Variants in HDGF observed in about 807,000 individuals in gnomAD.
HDGF encodes the protein heparin binding growth factor.
In HDGF, 5 loss-of-function variants were observed where a neutral mutation model predicts 30.0. That is an observed-to-expected ratio of 0.17 (90% CI 0.09 to 0.35). The LOEUF is 0.35. HDGF is among the 10% of genes least tolerant of loss of function. The pLI is 1.00. For missense variants in HDGF, 214 were observed against 302.8 expected (o/e 0.71, Z 2.18); for synonymous variants, 133 against 112.7 (o/e 1.18, Z -1.14).
upstream of HDGF, among the ~76,000 whole-genome samples, chr1:156,753,660 C>T (rs1013801142): frequency 3.9e-5 from 6 of 152,098 alleles, no homozygotes; most frequent in Non-Finnish European, 8.8e-5. Context: ...AAGCGATTCT[C>T]CTGCCTCAGC....
chr1:156,751,448 C>G lies in HDGF; in HGVS notation c.-19G>C. 2 of 1,532,318 alleles carry G rather than the reference C, an allele frequency of 1.3e-6. No individual in the cohort carries two copies. The highest frequency in any genetic ancestry group is 1.8e-6 in the Non-Finnish European group (2 of 1,135,966). 94.9% of individuals were successfully genotyped at this position (1,532,318 alleles called of 1,614,324 possible). ...GCGACATGGCGGGGCTCCGGGCGCC[C>G]CGGGCTCCGCGCCGGGCCGGGAAGC... On this transcript the variant is annotated 5_prime_UTR_variant, in exon 1 of 6. Transcript: ENST00000357325. This position sits in a 1 kb window ranked among gnomAD's most constrained non-coding sequence, Gnocchi z 4.7.
chr1:156,762,265 C>T (rs147620527), intron 1 of HDGF, among the ~76,000 whole-genome samples: 1,624 of 151,520 alleles, frequency 0.011, 27 homozygotes, highest in African/African-American at 0.037. Context: ...AAAAACAGGC[C>T]GAGCATGGTG....
chr1:156,751,591 C>T lies in HDGF; in HGVS notation c.-162G>A. 1.0e-6 allele frequency: 1 copy of T among 984,370 alleles called. No homozygotes were observed. Among genetic ancestry groups the T allele is most frequent in the Non-Finnish European group, 1.2e-6 (1 of 830,222 alleles). 61.0% of individuals were successfully genotyped at this position (984,370 alleles called of 1,614,324 possible). A position where few individuals can be genotyped will look rare whatever the true frequency, so the allele number is the denominator to read the frequency against. On this transcript the variant is annotated 5_prime_UTR_variant, in exon 1 of 6. Coordinates refer to ENST00000357325, the MANE Select transcript of HDGF (RefSeq NM_004494.3). This position sits in a 1 kb window ranked among gnomAD's most constrained non-coding sequence, Gnocchi z 4.7. ...TCCGGCGCGGCCACGGCGTCTCCGC[C>T]CGCGCGCCGCACGGACGGGGCGGGC...
In HDGF at chr1:156,751,207, G is replaced by C. The variant is rs1273718242; in HGVS notation, c.87+136C>G. On this transcript the variant is annotated intron_variant, in intron 1 of 5. Coordinates refer to ENST00000357325, the MANE Select transcript of HDGF (RefSeq NM_004494.3). This position sits in a 1 kb window ranked among gnomAD's most constrained non-coding sequence, Gnocchi z 4.7. ...ATAACCGGCGGGTGGGCTTGGAAGC[G>C]ACAGAGAAAGAGCCGGAGACCTACA... 9.8e-5 allele frequency: 115 copies of C among 1,177,918 alleles called. No individual in the cohort carries two copies. Among genetic ancestry groups the C allele is most frequent in the Non-Finnish European group, 1.2e-4 (108 of 914,914 alleles). The allele number at this position is 1,177,918 out of a possible 1,614,324, so 73.0% of individuals were successfully genotyped here.
chr1:156,764,878 T>C (rs1651325453), intron 1 of HDGF, among the ~76,000 whole-genome samples: 1 of 145,626 alleles, frequency 6.9e-6, no homozygotes. Context: ...AGTACAAGAC[T>C]CTATCTCCAA....
upstream of HDGF, among the ~76,000 whole-genome samples, chr1:156,755,036 T>A (rs1339235167): frequency 4.6e-5 from 7 of 152,224 alleles, no homozygotes; most frequent in Non-Finnish European, 1.0e-4. Flanking sequence ...CTGTTGCTGC[T>A]GCTTAGAACC....
Position 156,751,291 on chromosome 1 carries a change from T to C in HDGF, c.87+52A>G, listed in dbSNP as rs1382580202. On this transcript the variant is annotated intron_variant, in intron 1 of 5. Transcript: ENST00000357325. The surrounding 1 kb of genome is among the most constrained non-coding windows in gnomAD (Gnocchi z 4.7). ...GGAGCGCTCGTGCCCTTCCCGGTGTTATGCAACCCAAGCCCGCAGGGGGTT... is the reference window on the plus strand; with the variant it reads ...GGAGCGCTCGTGCCCTTCCCGGTGTCATGCAACCCAAGCCCGCAGGGGGTT... 2.0e-5 allele frequency: 31 copies of C among 1,579,728 alleles called. 1 individual carries two copies. In the South Asian group the frequency reaches 3.3e-4, roughly 17 times the overall value.
chr1:156,765,768 C>G (rs1210220399), intron 1 of HDGF, among the ~76,000 whole-genome samples: 1 of 152,112 alleles, frequency 6.6e-6, no homozygotes, highest in Non-Finnish European at 1.5e-5. Flanking sequence ...CCACCACACC[C>G]GGCCTACTTT....
Position 156,743,347 on chromosome 1 carries a change from G to A in HDGF, c.*102C>T. On this transcript the variant is annotated 3_prime_UTR_variant, in exon 6 of 6. Coordinates refer to ENST00000357325, the MANE Select transcript of HDGF (RefSeq NM_004494.3). ...TGAGTAGAAGAGGAGAGCAGGTTGG[G>A]GTGGGAAAGGGGTTCCCAGTTTGCA... is the stretch of plus-strand genomic sequence containing the variant. 8.3e-7 allele frequency: 1 copy of A among 1,209,964 alleles called. No homozygotes were observed. The allele number at this position is 1,209,964 out of a possible 1,614,324, so 75.0% of individuals were successfully genotyped here.
intron 1 of HDGF, among the ~76,000 whole-genome samples, chr1:156,749,016 T>G (rs1214272406): frequency 2.6e-5 from 4 of 151,770 alleles, no homozygotes; most frequent in Non-Finnish European, 5.9e-5. Context: ...GTCTTGGAGG[T>G]TAATTGTTAA....
chr1:156,744,477 T>C, intron 3 of HDGF, 129 bp from the exon 4 acceptor site: 1 of 1,520,454 alleles, frequency 6.6e-7, no homozygotes, highest in Non-Finnish European at 8.9e-7. Flanking sequence ...AGGTGCCCAG[T>C]CTCACGAGTG....
At chr1:156,753,200 G>A (rs1651075210), upstream of HDGF, among the ~76,000 whole-genome samples, 1 of 152,170 alleles carries the variant, frequency 6.6e-6, no homozygotes, top group Non-Finnish European at 1.5e-5. Flanking sequence ...TTATAACAGT[G>A]TGGCCTCTCA....
intron 1 of HDGF, among the ~76,000 whole-genome samples, chr1:156,765,472 CTTTTTTT>C (rs71080793): frequency 0.013 from 1,087 of 86,010 alleles, 7 homozygotes; most frequent in South Asian, 0.028. Flanking sequence ...TTCTTTCTTT[CTTTTTTT>C]TTTTTTTTTT....
upstream of HDGF, chr1:156,751,814 T>A: frequency 1.1e-6 from 1 of 880,782 alleles, no homozygotes. This position sits in a 1 kb window ranked among gnomAD's most constrained non-coding sequence, Gnocchi z 4.7. Context: ...CCGCGGCGGT[T>A]TGATGCGTGC....
At chr1:156,764,735 A>T (rs1289580361) in intron 1 of HDGF, among the ~76,000 whole-genome samples, 1 of 151,646 alleles carries the variant, frequency 6.6e-6, no homozygotes, top group Non-Finnish European at 1.5e-5. Flanking sequence ...AAAATACAAA[A>T]ATTAGCTGGG....
upstream of HDGF, chr1:156,752,277 G>C: frequency 6.4e-7 from 1 of 1,551,758 alleles, no homozygotes; most frequent in Non-Finnish European, 8.7e-7. Context: ...CCCTACGTCC[G>C]CCTTTGCTAA....
At chr1:156,759,630 C>G (rs919068831) in intron 1 of HDGF, among the ~76,000 whole-genome samples, 1 of 152,086 alleles carries the variant, frequency 6.6e-6, no homozygotes, top group African/African-American at 2.4e-5. Context: ...TACAGGCGCA[C>G]GCCACCATGC....
At chr1:156,750,585 C>G (rs562223793) in intron 1 of HDGF, 4 of 152,422 alleles carry the variant, frequency 2.6e-5, no homozygotes, top group African/African-American at 9.6e-5. Context: ...GCTCCCCTAA[C>G]CCCTACTAAG....
At chr1:156,751,707 C>T, upstream of HDGF, 1 of 1,208,364 alleles carries the variant, frequency 8.3e-7, no homozygotes, top group Non-Finnish European at 1.0e-6. This position sits in a 1 kb window ranked among gnomAD's most constrained non-coding sequence, Gnocchi z 4.7. Context: ...TGCGCGAGGC[C>T]TCTTCCTCCA....
Sources: allele counts gnomAD v4.1 joint callset (sites outside exome capture counted in the v4.1 genomes callset), GRCh38; gene constraint gnomAD v4.1.1; non-coding constraint Gnocchi (gnomAD v3.1); transcripts MANE v1.5; gene names NCBI Gene and HGNC (gene_info 2026-07-23, HGNC 2026-07-21).